Variants in FILIP1 observed in about 807,000 individuals in gnomAD.
FILIP1 encodes filamin-A-interacting protein 1.
FILIP1 carries 61 observed loss-of-function variants against 102.1 expected under a neutral mutation model. That is an observed-to-expected ratio of 0.60 (90% CI 0.49 to 0.74). The LOEUF (loss-of-function observed/expected upper bound fraction) is 0.74. FILIP1 is among the 30% of genes least tolerant of loss of function. The probability of loss-of-function intolerance (pLI) is 0.00; values close to 1 mark genes in which losing one functional copy is unlikely to be tolerated. For synonymous variants in FILIP1, 491 were observed against 526.9 expected (o/e 0.93, Z 0.93); for missense variants, 1,314 against 1,441.2 (o/e 0.91, Z 1.43).
intron 1 of FILIP1, among the ~76,000 whole-genome samples, chr6:75,415,923 C>G (rs1018769222): frequency 6.6e-6 from 1 of 152,060 alleles, no homozygotes; most frequent in Non-Finnish European, 1.5e-5. Flanking sequence ...ACAAACACAC[C>G]GAACTCACAG....
intron 2 of FILIP1, among the ~76,000 whole-genome samples, chr6:75,414,416 C>G (rs561881781): frequency 6.6e-6 from 1 of 152,080 alleles, no homozygotes; most frequent in East Asian, 1.9e-4. Context: ...ACCTACTGAC[C>G]GAAAGGATCT....
At position 75,493,398 on chromosome 6, in the gene FILIP1, T is replaced by C. The variant is rs1007343944; in HGVS notation, c.-7+16A>G. The C allele has an allele frequency of 2.6e-5, 4 of 152,254 alleles. No individual in the cohort carries two copies. The highest frequency in any genetic ancestry group is 6.5e-5 in the Admixed American group (1 of 15,290). 9.4% of individuals were successfully genotyped at this position (152,254 alleles called of 1,614,324 possible). On this transcript the variant is annotated intron_variant, in intron 1 of 5. Coordinates refer to ENST00000237172, the MANE Select transcript of FILIP1 (RefSeq NM_015687.5). Reference sequence around the variant, plus strand: ...TATTTCTTAAGAGAGTAAGTATTTATTTATTTTGGTCTTACCTGACGGCAG... The same window carrying C: ...TATTTCTTAAGAGAGTAAGTATTTACTTATTTTGGTCTTACCTGACGGCAG...
At chr6:75,474,379 T>C (rs1779414388) in intron 1 of FILIP1, among the ~76,000 whole-genome samples, 1 of 152,202 alleles carries the variant, frequency 6.6e-6, no homozygotes. Context: ...TACAATCATA[T>C]ACCTGTGATT....
In FILIP1 at chr6:75,362,838, T is replaced by TCCGCAGA; in HGVS notation, c.349_355dup (p.Glu119ValfsTer29). ...CAGGACCCGCAGCACTTTCTCTGGC[T>TCCGCAGA]CCGCAGACCCGTAATGAGCCTCCAG... On this transcript the variant is annotated frameshift_variant, in exon 3 of 6. Transcript: ENST00000237172. LOFTEE classifies it high-confidence loss of function. 3 of 1,614,040 alleles carry TCCGCAGA rather than the reference T, an allele frequency of 1.9e-6. No individual in the cohort carries two copies. The highest frequency in any genetic ancestry group is 2.5e-6 in the Non-Finnish European group (3 of 1,180,016).
At chr6:75,399,152 C>G (rs1383464078) in intron 2 of FILIP1, 7 of 152,144 alleles carry the variant, frequency 4.6e-5, no homozygotes, top group African/African-American at 1.7e-4. Flanking sequence ...CAATTGATTT[C>G]TATTGTTCAG....
chr6:75,414,721 G>A lies in FILIP1; in HGVS notation c.252C>T (p.Leu84=), dbSNP rs772414409. The change falls in exon 2 of 6, where the codon CTC becomes CTT. Residue 84 remains leucine, a synonymous_variant. Coordinates refer to ENST00000237172, the MANE Select transcript of FILIP1 (RefSeq NM_015687.5). ...CCTGCAACTCCCCTTCCATTATACTGAGTAGTTGGATGAGGTCTTCTTTGG... is the reference window on the plus strand; with the variant it reads ...CCTGCAACTCCCCTTCCATTATACTAAGTAGTTGGATGAGGTCTTCTTTGG... ...ELSKEDLIQL[L]SIMEGELQAR... The A allele has an allele frequency of 6.2e-7, 1 of 1,613,510 alleles. No homozygotes were observed. The highest frequency in any genetic ancestry group is 8.5e-7 in the Non-Finnish European group (1 of 1,179,694).
intron 4 of FILIP1, among the ~76,000 whole-genome samples, chr6:75,331,495 T>C (rs1196395686): frequency 2.0e-5 from 3 of 152,202 alleles, no homozygotes; most frequent in Non-Finnish European, 4.4e-5. Context: ...AATAAAAATA[T>C]ATATATTGCA....
chr6:75,402,312 A>C (rs940141533), intron 2 of FILIP1, among the ~76,000 whole-genome samples: 2 of 152,188 alleles, frequency 1.3e-5, no homozygotes, highest in Non-Finnish European at 2.9e-5. Flanking sequence ...GTATTCAGCA[A>C]AGAATCAGAT....
At chr6:75,315,514 A>G (rs530349181) in intron 4 of FILIP1, among the ~76,000 whole-genome samples, 1 of 152,240 alleles carries the variant, frequency 6.6e-6, no homozygotes, top group Non-Finnish European at 1.5e-5. Flanking sequence ...ACTTCCGAGT[A>G]TCTTTCTGCA....
At chr6:75,382,633 T>G (rs534719520) in intron 2 of FILIP1, among the ~76,000 whole-genome samples, 1 of 152,338 alleles carries the variant, frequency 6.6e-6, no homozygotes, top group East Asian at 1.9e-4. Context: ...TGTTCAGTGA[T>G]ATCAAGTAAC....
intron 1 of FILIP1, among the ~76,000 whole-genome samples, chr6:75,436,366 G>GA (rs764588245): frequency 0.025 from 3,004 of 120,762 alleles, 48 homozygotes; most frequent in Non-Finnish European, 0.032. Context: ...CCCTGTCTCA[G>GA]GAAAAAAAAA....
chr6:75,412,283 C>T lies in FILIP1; in HGVS notation c.276+2414G>A, dbSNP rs112345014. ...ATTGATTTTGTATCCGGAGACTTTG[C>T]TGATGTTGCTTATCAGGTTAAGGAG... On this transcript the variant is annotated intron_variant, in intron 2 of 5. Transcript: ENST00000237172. Among the ~76,000 whole-genome samples, 807 of 152,244 alleles carry T rather than the reference C, an allele frequency of 5.3e-3. 14 individuals carry two copies. The highest frequency in any genetic ancestry group is 0.018 in the African/African-American group (768 of 41,552).
chr6:75,489,086 G>A (rs568033486), intron 1 of FILIP1, among the ~76,000 whole-genome samples: 11 of 152,224 alleles, frequency 7.2e-5, no homozygotes, highest in African/African-American at 2.6e-4. Context: ...GCATGGAGGA[G>A]GAAGTCTTCA....
At chr6:75,333,373 A>C (rs1395707677) in intron 4 of FILIP1, among the ~76,000 whole-genome samples, 3 of 152,182 alleles carry the variant, frequency 2.0e-5, no homozygotes, top group Admixed American at 1.3e-4. Context: ...AAAACCTCAG[A>C]CTTAATTTTG....
At chr6:75,491,320 C>G (rs1451648096) in intron 1 of FILIP1, among the ~76,000 whole-genome samples, 1 of 151,962 alleles carries the variant, frequency 6.6e-6, no homozygotes, top group Non-Finnish European at 1.5e-5. Flanking sequence ...AGCAGAGGGA[C>G]CTTGTTGTTG....
intron 1 of FILIP1, among the ~76,000 whole-genome samples, chr6:75,492,564 T>C (rs1379423960): frequency 6.6e-6 from 1 of 152,180 alleles, no homozygotes; most frequent in Admixed American, 6.5e-5. Flanking sequence ...AATTGGTTAC[T>C]ATAAGCAATT....
At position 75,451,333 on chromosome 6, in the gene FILIP1, A is replaced by G. The variant is rs1023120194; in HGVS notation, c.-6-36355T>C. 5.3e-5 allele frequency among the ~76,000 whole-genome samples: 8 copies of G among 150,374 alleles called. No individual in the cohort carries two copies. The South Asian group carries it at 6.3e-4, about 12-fold the overall frequency. ...TAATATAATAATCAAAATATCAGTA[A>G]TTATAGTAGAAACAACTTATAAATC... On this transcript the variant is annotated intron_variant, in intron 1 of 5. Coordinates refer to ENST00000237172, the MANE Select transcript of FILIP1 (RefSeq NM_015687.5).
At chr6:75,431,099 C>A (rs922663165) in intron 1 of FILIP1, among the ~76,000 whole-genome samples, 1 of 152,154 alleles carries the variant, frequency 6.6e-6, no homozygotes, top group African/African-American at 2.4e-5. Flanking sequence ...CACTGTTATC[C>A]ATTCACATCA....
rs751424079 is a variant in FILIP1, at chr6:75,313,557, C to T, written c.2275G>A (p.Glu759Lys). ...SVLQQRFMEE[E>K]NKNKNMGQEV... ...TGCCCCATGTTTTTGTTCTTATTTTCTTCTTCCATAAATCTTTGTTGAAGT... is the reference window on the plus strand; with the variant it reads ...TGCCCCATGTTTTTGTTCTTATTTTTTTCTTCCATAAATCTTTGTTGAAGT... The change falls in exon 5 of 6, where the codon GAA becomes AAA. Residue 759 changes from glutamate (E) to lysine (K), a missense_variant. Physicochemically the swap from Glu to Lys is moderately conservative, Grantham distance 56. Coordinates refer to ENST00000237172, the MANE Select transcript of FILIP1 (RefSeq NM_015687.5). The surrounding 1 kb of genome is among the most constrained non-coding windows in gnomAD (Gnocchi z 4.2). 4 of 1,614,138 alleles carry T rather than the reference C, an allele frequency of 2.5e-6. 1 individual carries two copies.
Sources: gnomAD v4.1 joint callset for allele counts (sites outside exome capture counted in the v4.1 genomes callset) on GRCh38, gnomAD v4.1.1 for gene constraint, Gnocchi (gnomAD v3.1) non-coding constraint, MANE v1.5 for transcripts, NCBI Gene and HGNC (gene_info 2026-07-23, HGNC 2026-07-21) for gene names.